Variants in CACNB2 observed in about 807,000 individuals in gnomAD.
The protein encoded by CACNB2 is voltage-dependent L-type calcium channel subunit beta-2.
CACNB2 carries 42 observed loss-of-function variants against 73.3 expected under a neutral mutation model. The observed-to-expected ratio is 0.57, with a 90% CI of 0.45 to 0.74. The LOEUF is 0.74. Among genes scored for constraint, CACNB2 ranks in the 30% least tolerant of loss-of-function variants. The pLI is 0.00. For missense variants in CACNB2, 940 were observed against 853.0 expected (o/e 1.10, Z -1.27); for synonymous variants, 348 against 310.3 (o/e 1.12, Z -1.28).
chr10:18,190,584 T>A (rs1471243293), intron 2 of CACNB2, among the ~76,000 whole-genome samples: 2 of 152,288 alleles, frequency 1.3e-5, no homozygotes, highest in Admixed American at 1.3e-4. Context: ...AAAAAATAAA[T>A]ATAGCAAAAA....
rs76449037 is a variant in CACNB2, at chr10:18,385,371, CCCCT to C, written c.214-16551_214-16548del. On this transcript the variant is annotated intron_variant, in intron 2 of 13. Coordinates refer to ENST00000324631, the MANE Select transcript of CACNB2 (RefSeq NM_201596.3). ...GCCATAGAGATTTGTAATACCCCCC[CCCCT>C]CGCCCCCCACAGGTTTTAAAAATGT... is the stretch of plus-strand genomic sequence containing the variant. 8.1e-4 allele frequency among the ~76,000 whole-genome samples: 80 copies of C among 99,102 alleles called. 1 individual carries two copies. The East Asian group carries it at 0.018, about 23-fold the overall frequency. The allele number at this position is 99,102 out of a possible 152,430, so 65.0% of individuals were successfully genotyped here. A position where few individuals can be genotyped will look rare whatever the true frequency, so the allele number is the denominator to read the frequency against.
In CACNB2 at chr10:18,229,161, A is replaced by G. The variant is rs538003934; in HGVS notation, c.213+78186A>G. ...TCATGTAAGTAATGATAGTGTAATT[A>G]GTGTGAGAAATTAGTATTATTTATT... On this transcript the variant is annotated intron_variant, in intron 2 of 13. Transcript: ENST00000324631. Among the ~76,000 whole-genome samples, 11 of 152,360 alleles carry G rather than the reference A, an allele frequency of 7.2e-5. No individual in the cohort carries two copies. In the South Asian group the frequency reaches 2.3e-3, roughly 32 times the overall value.
intron 2 of CACNB2, among the ~76,000 whole-genome samples, chr10:18,363,872 A>G (rs2042239552): frequency 6.6e-6 from 1 of 152,194 alleles, no homozygotes; most frequent in African/African-American, 2.4e-5. Context: ...CTATATCATA[A>G]ACTGCTTTAA....
intron 2 of CACNB2, among the ~76,000 whole-genome samples, chr10:18,208,807 G>A (rs1031971370): frequency 2.7e-5 from 4 of 148,972 alleles, no homozygotes; most frequent in Non-Finnish European, 4.5e-5. Flanking sequence ...GAAGGGCTGA[G>A]CGGTAGAAGA....
intron 2 of CACNB2, among the ~76,000 whole-genome samples, chr10:18,399,249 C>T (rs187366403): frequency 1.0e-3 from 157 of 152,228 alleles, no homozygotes; most frequent in Middle Eastern, 3.4e-3. Context: ...CTATAAGAAG[C>T]CCTCTAGGAA....
chr10:18,314,633 T>C (rs2040088864), intron 2 of CACNB2, among the ~76,000 whole-genome samples: 1 of 152,106 alleles, frequency 6.6e-6, no homozygotes, highest in Non-Finnish European at 1.5e-5. Context: ...AATCAGTCTA[T>C]TACTGTTGCC....
rs181646386 is a variant in CACNB2 at position 18,516,689 on chromosome 10, A to G, written c.805-1647A>G. Among the ~76,000 whole-genome samples the G allele has an allele frequency of 5.0e-3, 768 of 152,358 alleles. 6 individuals are homozygous for G. The highest frequency in any genetic ancestry group is 0.018 in the African/African-American group (729 of 41,582). On this transcript the variant is annotated intron_variant, in intron 7 of 13. Coordinates refer to ENST00000324631, the MANE Select transcript of CACNB2 (RefSeq NM_201596.3). ...TGTTATTGATAATGTGGTTAACATCAATGTAGAATTCAAAAACAAAACAAC... is the reference window on the plus strand; with the variant it reads ...TGTTATTGATAATGTGGTTAACATCGATGTAGAATTCAAAAACAAAACAAC...
Position 18,500,930 on chromosome 10 carries a change from A to T in CACNB2, c.575A>T (p.Gln192Leu), listed in dbSNP as rs1564623611. The T allele has an allele frequency of 1.2e-6, 2 of 1,614,130 alleles. No individual in the cohort carries two copies. Among genetic ancestry groups the T allele is most frequent in the Non-Finnish European group, 1.7e-6 (2 of 1,179,998 alleles). The change falls in exon 5 of 14, where the codon CAA (glutamine) becomes CTA (leucine). Residue 192 changes from glutamine to leucine, a missense_variant. Physicochemically the swap from Gln to Leu is moderately radical, Grantham distance 113. Transcript: ENST00000324631. ...MRLQHEQRAK[Q>L]GKFYSSKSGG... ...CTGCAGCATGAACAGAGAGCCAAGC[A>T]AGGGAAATTCTACTCCAGGTATGAG...
intron 3 of CACNB2, among the ~76,000 whole-genome samples, chr10:18,442,715 C>A (rs560691712): frequency 1.1e-3 from 166 of 150,702 alleles, no homozygotes; most frequent in African/African-American, 3.9e-3. Flanking sequence ...ATCCCAGCTA[C>A]TCAGAAGGCT....
chr10:18,286,517 C>CAAAAAAA (rs770589594), intron 2 of CACNB2, among the ~76,000 whole-genome samples: 14 of 57,350 alleles, frequency 2.4e-4, no homozygotes, highest in Non-Finnish European at 3.4e-4. Context: ...GATTCTGTCT[C>CAAAAAAA]AAAAAAAAAA....
intron 2 of CACNB2, among the ~76,000 whole-genome samples, chr10:18,389,731 A>G (rs1168340178): frequency 6.6e-6 from 1 of 152,206 alleles, no homozygotes; most frequent in Non-Finnish European, 1.5e-5. Flanking sequence ...GGGTTGCGTG[A>G]AAGCCAAAAA....
At chr10:18,144,359 C>A (rs2030747224) in intron 1 of CACNB2, among the ~76,000 whole-genome samples, 1 of 152,240 alleles carries the variant, frequency 6.6e-6, no homozygotes, top group South Asian at 2.1e-4. Context: ...GGATTACAGG[C>A]GTGCGCCACC....
chr10:18,364,907 A>G (rs1589148026), intron 2 of CACNB2, among the ~76,000 whole-genome samples: 1 of 152,358 alleles, frequency 6.6e-6, no homozygotes, highest in East Asian at 1.9e-4. Context: ...TTAAAGAATT[A>G]TCATAAAATC....
Position 18,450,399 on chromosome 10 carries a change from G to A in CACNB2, c.334-47956G>A, listed in dbSNP as rs75187014. Among the ~76,000 whole-genome samples the A allele has an allele frequency of 3.1e-3, 464 of 152,116 alleles. 2 individuals carry two copies. Among genetic ancestry groups the A allele is most frequent in the African/African-American group, 0.011 (446 of 41,484 alleles). ...GATCACCTAAAAGCCAGTGCTTTTA[G>A]TAATTATTGAAGAATAAGAAGGGCC... is the stretch of plus-strand genomic sequence containing the variant. On this transcript the variant is annotated intron_variant, in intron 3 of 13. Transcript: ENST00000324631.
rs2050709541 is a variant in CACNB2, at chr10:18,510,538, A to G, written c.671-3698A>G. Among the ~76,000 whole-genome samples, 4 of 152,188 alleles carry G rather than the reference A, an allele frequency of 2.6e-5. No homozygotes were observed. In the South Asian group the frequency reaches 8.3e-4, roughly 31 times the overall value. ...GGTTGGCCTCGAATTCCTGACCTCA[A>G]GTGATCCACCCACCATGGCTTCCCA... On this transcript the variant is annotated intron_variant, in intron 6 of 13. Coordinates refer to ENST00000324631, the MANE Select transcript of CACNB2 (RefSeq NM_201596.3).
At chr10:18,321,708 G>A (rs184465394) in intron 2 of CACNB2, among the ~76,000 whole-genome samples, 121 of 152,220 alleles carry the variant, frequency 7.9e-4, no homozygotes, top group African/African-American at 2.7e-3. Context: ...GAAGGCAGTT[G>A]GTGTTTGGTA....
rs764703043 is a variant in CACNB2 at position 18,401,119 on chromosome 10, G to C, written c.214-805G>C. The stretch of plus-strand genomic sequence containing the variant: ...TATCTGTGTAAGCGCAAGGGCTTTC[G>C]TTTGTGGGGAGAGGTTATTTTGTCT... On this transcript the variant is annotated intron_variant, in intron 2 of 13. Transcript: ENST00000324631. 9 of 1,614,076 alleles carry C rather than the reference G, an allele frequency of 5.6e-6. No individual in the cohort carries two copies. In the South Asian group the frequency reaches 9.9e-5, roughly 18 times the overall value.
Position 18,150,855 on chromosome 10 carries a change from C to CTTTTTTTTTTTTTTTTGTTTTTTTTTTTT in CACNB2, c.121-12_121-11insGTTTTTTTTTTTTTTTTTTTTTTTTTTTT. The CTTTTTTTTTTTTTTTTGTTTTTTTTTTTT allele has an allele frequency of 4.1e-6, 2 of 483,392 alleles. 1 individual carries two copies. Among genetic ancestry groups the CTTTTTTTTTTTTTTTTGTTTTTTTTTTTT allele is most frequent in the Non-Finnish European group, 6.1e-6 (2 of 325,610 alleles). The allele number at this position is 483,392 out of a possible 1,614,324, so 29.9% of individuals were successfully genotyped here. On this transcript the variant is annotated intron_variant, in intron 1 of 13. Coordinates refer to ENST00000324631, the MANE Select transcript of CACNB2 (RefSeq NM_201596.3). ...AGGGTCTCATAATAATCTTATTTGT[C>CTTTTTTTTTTTTTTTTGTTTTTTTTTTTT]TTTTTTTTTTTTTTTTTTTTTTTTT...
chr10:18,157,452 C>T (rs527618129), intron 2 of CACNB2, among the ~76,000 whole-genome samples: 10 of 152,230 alleles, frequency 6.6e-5, no homozygotes, highest in Admixed American at 2.0e-4. Flanking sequence ...TAGAACCATA[C>T]GTAATATGCA....
Sources: gnomAD v4.1 joint callset for allele counts (sites outside exome capture counted in the v4.1 genomes callset) on GRCh38, gnomAD v4.1.1 for gene constraint, MANE v1.5 for transcripts, NCBI Gene and HGNC (gene_info 2026-07-23, HGNC 2026-07-21) for gene names.